The following TMTC2 variants were observed in gnomAD, a reference collection of about 807,000 sequenced individuals.
The protein encoded by TMTC2 is protein O-mannosyl-transferase TMTC2.
TMTC2 carries 43 observed loss-of-function variants against 82.4 expected under a neutral mutation model. The observed-to-expected ratio is 0.52, with a 90% CI of 0.41 to 0.67. TMTC2 has a LOEUF of 0.67. Among genes scored for constraint, TMTC2 ranks in the 30% least tolerant of loss-of-function variants. The pLI, the probability that TMTC2 is intolerant of heterozygous loss-of-function variation, is 0.00. For missense variants in TMTC2, 919 were observed against 1,012.4 expected, an observed-to-expected ratio of 0.91 and a Z score of 1.25; for synonymous variants, 408 against 381.9, an observed-to-expected ratio of 1.07 and a Z score of -0.80.
intron 1 of TMTC2, among the ~76,000 whole-genome samples, chr12:82,856,074 G>A (rs1451579486): frequency 1.3e-5 from 2 of 152,206 alleles, no homozygotes; most frequent in Non-Finnish European, 2.9e-5. Flanking sequence ...CTTGAGAGAT[G>A]TAGAGAATAA....
intron 2 of TMTC2, among the ~76,000 whole-genome samples, chr12:82,876,048 GTGGTGGTGGTGGTGGTGGTGA>G (rs1368813705): frequency 5.0e-5 from 6 of 119,640 alleles, no homozygotes; most frequent in East Asian, 4.2e-4. Flanking sequence ...GGTGGTGGTG[GTGGTGGTGGTGGTGGTGGTGA>G]TGATGATGAT....
intron 1 of TMTC2, among the ~76,000 whole-genome samples, chr12:82,839,669 A>G (rs1339386553): frequency 6.6e-6 from 1 of 152,180 alleles, no homozygotes; most frequent in African/African-American, 2.4e-5. Context: ...AGAAGACATT[A>G]TGGTTGTTTT....
At position 82,687,687 on chromosome 12, in the gene TMTC2, G is replaced by T. The variant is rs771516300; in HGVS notation, c.83+18G>T. ...GATGACAGGTAAGGGGCCGAGAGGA[G>T]GGGGCGACGGGCTGCAGGGGGCACA... On this transcript the variant is annotated intron_variant, in intron 1 of 11. Transcript: ENST00000321196. The T allele has an allele frequency of 8.8e-6, 14 of 1,595,654 alleles. No individual in the cohort carries two copies. The highest frequency in any genetic ancestry group is 1.2e-5 in the Non-Finnish European group (14 of 1,172,476).
At chr12:83,089,573 A>G (rs532080633) in intron 11 of TMTC2, among the ~76,000 whole-genome samples, 2 of 152,314 alleles carry the variant, frequency 1.3e-5, no homozygotes, top group African/African-American at 4.8e-5. Flanking sequence ...ACTAAACCAA[A>G]CAAATAGTAA....
In TMTC2 at chr12:82,929,739, A is replaced by C. The variant is rs150380403; in HGVS notation, c.1484-692A>C. ...GCAAGGTTCACTGGAGAGCCGTACT[A>C]TGGGGGCAATTATTGGTGCTGTGCC... On this transcript the variant is annotated intron_variant, in intron 3 of 11. Coordinates refer to ENST00000321196, the MANE Select transcript of TMTC2 (RefSeq NM_152588.3). Among the ~76,000 whole-genome samples, 1,069 of 152,250 alleles carry C rather than the reference A, an allele frequency of 7.0e-3. 18 individuals carry two copies. The highest frequency in any genetic ancestry group is 0.025 in the African/African-American group (1,019 of 41,560).
chr12:82,805,726 C>G (rs531480023), intron 1 of TMTC2, among the ~76,000 whole-genome samples: 1 of 151,788 alleles, frequency 6.6e-6, no homozygotes, highest in African/African-American at 2.4e-5. Context: ...AGGATGGTCT[C>G]GATCTCCTGA....
intron 4 of TMTC2, among the ~76,000 whole-genome samples, chr12:82,935,069 T>C (rs1388885475): frequency 6.6e-6 from 1 of 152,160 alleles, no homozygotes; most frequent in African/African-American, 2.4e-5. Context: ...TATTAGAGAA[T>C]ATAAGGTTTT....
At chr12:82,974,083 T>C (rs189363745) in intron 7 of TMTC2, among the ~76,000 whole-genome samples, 2 of 152,252 alleles carry the variant, frequency 1.3e-5, no homozygotes, top group East Asian at 3.9e-4. Flanking sequence ...AAAATCTGTT[T>C]TAAGGCTGGG....
chr12:83,092,283 A>AAGATCTCCTCCT (rs1005156012), intron 11 of TMTC2, among the ~76,000 whole-genome samples: 3 of 152,132 alleles, frequency 2.0e-5, no homozygotes, highest in African/African-American at 7.2e-5. Flanking sequence ...ATAGAGCTTA[A>AAGATCTCCTCCT]AGATCTCCTC....
At chr12:83,095,653 G>A (rs1884005777) in intron 11 of TMTC2, among the ~76,000 whole-genome samples, 3 of 152,106 alleles carry the variant, frequency 2.0e-5, no homozygotes, top group African/African-American at 7.2e-5. Context: ...TTAATAAACT[G>A]TAGCTTTACC....
At chr12:82,982,262 C>T (rs1878950628) in intron 7 of TMTC2, among the ~76,000 whole-genome samples, 2 of 151,766 alleles carry the variant, frequency 1.3e-5, no homozygotes, top group South Asian at 2.1e-4. Context: ...CATTCCTGAG[C>T]CTTTGTCTTC....
intron 1 of TMTC2, among the ~76,000 whole-genome samples, chr12:82,790,497 G>A (rs939028098): frequency 1.3e-5 from 2 of 152,088 alleles, no homozygotes; most frequent in Non-Finnish European, 2.9e-5. Context: ...TTCCTGGGAA[G>A]AAGTAAATTG....
At chr12:83,033,772 C>CA (rs1177493285) in intron 9 of TMTC2, among the ~76,000 whole-genome samples, 1 of 146,514 alleles carries the variant, frequency 6.8e-6, no homozygotes, top group African/African-American at 2.5e-5. Context: ...AATAAATAAA[C>CA]AAAAAAACCA....
chr12:82,769,366 C>T (rs1877160413), intron 1 of TMTC2, among the ~76,000 whole-genome samples: 1 of 151,886 alleles, frequency 6.6e-6, no homozygotes, highest in Admixed American at 6.6e-5. Flanking sequence ...ATCCCAGAGA[C>T]TCAGGAGGCT....
At chr12:82,899,601 G>T (rs1873864705) in intron 3 of TMTC2, among the ~76,000 whole-genome samples, 1 of 128,278 alleles carries the variant, frequency 7.8e-6, no homozygotes, top group African/African-American at 2.9e-5. Flanking sequence ...ATATATATAT[G>T]TGGAATATAT....
chr12:83,010,167 A>G (rs918643766), intron 8 of TMTC2, among the ~76,000 whole-genome samples: 2 of 152,172 alleles, frequency 1.3e-5, no homozygotes, highest in African/African-American at 4.8e-5. Flanking sequence ...TTGTATAAAC[A>G]TACTCTCTCT....
At chr12:82,930,241 T>G (rs1311210488) in intron 3 of TMTC2, among the ~76,000 whole-genome samples, 190 bp from the exon 4 acceptor site, 1 of 152,206 alleles carries the variant, frequency 6.6e-6, no homozygotes, top group Non-Finnish European at 1.5e-5. Context: ...TTACTTTAAT[T>G]TTTTAAGGCT....
intron 1 of TMTC2, among the ~76,000 whole-genome samples, chr12:82,788,512 C>T (rs1878296248): frequency 6.6e-6 from 1 of 152,028 alleles, no homozygotes; most frequent in Non-Finnish European, 1.5e-5. Context: ...GTTAACAATG[C>T]TGGGTAAATA....
chr12:82,915,121 G>A (rs1042059464), intron 3 of TMTC2, among the ~76,000 whole-genome samples: 4 of 152,044 alleles, frequency 2.6e-5, no homozygotes, highest in African/African-American at 4.8e-5. Context: ...CACTGTGCTC[G>A]GCCTTACAAT....
Sources: gnomAD v4.1 joint callset for allele counts (sites outside exome capture counted in the v4.1 genomes callset) on GRCh38, gnomAD v4.1.1 for gene constraint, MANE v1.5 for transcripts, NCBI Gene and HGNC (gene_info 2026-07-23, HGNC 2026-07-21) for gene names.